ZNF705A: variants seen among roughly 807,000 people sequenced by gnomAD.
The protein encoded by ZNF705A is zinc finger protein 705A.
Under a neutral mutation model 16.6 loss-of-function variants are expected in ZNF705A, and 8 were observed. The observed-to-expected ratio is 0.48, with a 90% confidence interval of 0.28 to 0.87. The LOEUF (loss-of-function observed/expected upper bound fraction) is 0.87, where lower values mean the gene tolerates loss of function less well. Ranked by LOEUF, ZNF705A falls within the 40% of genes least tolerant of loss-of-function variation. ZNF705A has a pLI of 0.10. For missense variants in ZNF705A, 233 were observed against 359.9 expected (o/e 0.65, Z 2.85); for synonymous variants, 73 against 117.3 (o/e 0.62, Z 2.44).
At chr12:8,173,557 G>C (rs1481147127) in intron 1 of ZNF705A, among the ~76,000 whole-genome samples, 1 of 152,196 alleles carries the variant, frequency 6.6e-6, no homozygotes, top group Admixed American at 6.5e-5. Flanking sequence ...CATATCACAG[G>C]AATCATCGGA....
intron 3 of ZNF705A, 97 bp from the exon 5 acceptor site, chr12:8,175,763 T>C: frequency 1.3e-6 from 2 of 1,557,830 alleles, no homozygotes; most frequent in East Asian, 4.5e-5. Context: ...CACATCTAAG[T>C]GTCAACTTTT....
chr12:8,177,031 A>G (rs1948489482), exon 5 of ZNF705A: 1 of 1,610,966 alleles, frequency 6.2e-7, no homozygotes. Flanking sequence ...ATCCTTTTGA[A>G]TGTAATGATT....
exon 5 of ZNF705A, chr12:8,177,363 A>G (rs764477042): frequency 1.2e-5 from 19 of 1,611,886 alleles, no homozygotes; most frequent in African/African-American, 6.7e-5. Context: ...GAGAGACCAT[A>G]TAAGTGTCAT....
chr12:8,165,450 ATTTTTT>A (rs57581482), intron 1 of ZNF705A, among the ~76,000 whole-genome samples: 30 of 81,958 alleles, frequency 3.7e-4, no homozygotes, highest in African/African-American at 7.9e-4. Context: ...GCCCAGCTAA[ATTTTTT>A]TTTTTTTTTT....
upstream of ZNF705A, among the ~76,000 whole-genome samples, chr12:8,167,599 A>G (rs1948410223): frequency 6.6e-6 from 1 of 152,310 alleles, no homozygotes; most frequent in African/African-American, 2.4e-5. Context: ...TGGAAGGTAG[A>G]TAAGTTCACT....
intron 1 of ZNF705A, among the ~76,000 whole-genome samples, chr12:8,173,150 A>T (rs1053072481): frequency 6.6e-6 from 1 of 152,256 alleles, no homozygotes; most frequent in African/African-American, 2.4e-5. Flanking sequence ...ATCCAGTGTG[A>T]TAGGACTTGC....
upstream of ZNF705A, among the ~76,000 whole-genome samples, chr12:8,170,097 G>A (rs1948432353): frequency 6.6e-6 from 1 of 151,710 alleles, no homozygotes; most frequent in Non-Finnish European, 1.5e-5. Flanking sequence ...GCTGAGGCTG[G>A]AGAATTGCTT....
At chr12:8,175,710 C>A in intron 3 of ZNF705A, 150 bp from the exon 5 acceptor site, 1 of 1,146,724 alleles carries the variant, frequency 8.7e-7, no homozygotes, top group Non-Finnish European at 1.2e-6. Flanking sequence ...ACTGTACAAT[C>A]TATTTCTTCT....
chr12:8,160,123 C>T (rs1948342060), intron 1 of ZNF705A, among the ~76,000 whole-genome samples: 1 of 152,086 alleles, frequency 6.6e-6, no homozygotes, highest in Non-Finnish European at 1.5e-5. Context: ...TGTTGAAGAT[C>T]AGTTGACTGT....
intron 1 of ZNF705A, among the ~76,000 whole-genome samples, chr12:8,165,917 G>A (rs1344133421): frequency 6.6e-6 from 1 of 152,150 alleles, no homozygotes; most frequent in Non-Finnish European, 1.5e-5. Flanking sequence ...CTCTAACATT[G>A]ATGGGCATCT....
chr12:8,175,438 T>G (rs1434559447), intron 3 of ZNF705A, 115 bp downstream of exon 4: 5 of 1,281,410 alleles, frequency 3.9e-6, no homozygotes, highest in Non-Finnish European at 4.4e-6. Context: ...AAATGTAGGT[T>G]AGGCTACTGG....
intron 1 of ZNF705A, among the ~76,000 whole-genome samples, chr12:8,163,940 A>T (rs1402253046): frequency 6.6e-6 from 1 of 152,158 alleles, no homozygotes; most frequent in Non-Finnish European, 1.5e-5. Context: ...CTATGATGAC[A>T]TTTAAAAAGC....
chr12:8,165,450 A>AT (rs57581482), intron 1 of ZNF705A, among the ~76,000 whole-genome samples: 56,823 of 81,840 alleles, frequency 0.69, 20,628 homozygotes, highest in East Asian at 0.84. Flanking sequence ...GCCCAGCTAA[A>AT]TTTTTTTTTT....
chr12:8,168,485 T>C (rs1948418592), upstream of ZNF705A, among the ~76,000 whole-genome samples: 1 of 152,244 alleles, frequency 6.6e-6, no homozygotes, highest in Non-Finnish European at 1.5e-5. Flanking sequence ...TTTGTGTGCC[T>C]TTTCCATTTT....
chr12:8,176,978 C>T (rs10770295), intron 4 of ZNF705A, 21 bp from the exon 6 acceptor site: 843,956 of 1,558,396 alleles, frequency 0.54, 232,869 homozygotes, highest in Non-Finnish European at 0.57. Flanking sequence ...CCATTAAGAG[C>T]TTTTAATCTT....
At chr12:8,162,173 A>G (rs1948361389) in intron 1 of ZNF705A, among the ~76,000 whole-genome samples, 1 of 152,194 alleles carries the variant, frequency 6.6e-6, no homozygotes, top group Non-Finnish European at 1.5e-5. Flanking sequence ...CTTTCAAACC[A>G]GAAGACACCT....
At chr12:8,170,196 C>A (rs141364610), upstream of ZNF705A, among the ~76,000 whole-genome samples, 78,127 of 126,402 alleles carry the variant, frequency 0.62, 24,463 homozygotes, top group Non-Finnish European at 0.71. Context: ...CCCCCCCCCC[C>A]AAAAAAAAAA....
exon 5 of ZNF705A, chr12:8,179,682 T>A (rs976112760): frequency 7.9e-5 from 12 of 152,222 alleles, no homozygotes; most frequent in African/African-American, 2.7e-4. Context: ...GTGAGGATAA[T>A]GAGCAAGAAA....
At chr12:8,178,210 C>T (rs1370656867) in exon 5 of ZNF705A, 1 of 153,812 alleles carries the variant, frequency 6.5e-6, no homozygotes, top group Non-Finnish European at 1.5e-5. Context: ...TGATAAAATG[C>T]TGCTAAAATG....
Sources: gnomAD v4.1 joint callset for allele counts (sites outside exome capture counted in the v4.1 genomes callset) on GRCh38, gnomAD v4.1.1 for gene constraint, MANE v1.5 for transcripts, NCBI Gene and HGNC (gene_info 2026-07-23, HGNC 2026-07-21) for gene names.